Variants in RANBP2 observed in about 807,000 individuals in gnomAD.
RANBP2 encodes E3 SUMO-protein ligase RanBP2.
In RANBP2, 57 loss-of-function variants were observed where a neutral mutation model predicts 303.6. That is an observed-to-expected ratio of 0.19 (90% CI 0.15 to 0.23). The LOEUF (loss-of-function observed/expected upper bound fraction) is 0.23, where lower values mean the gene tolerates loss of function less well. Ranked by LOEUF, RANBP2 falls within the 10% of genes least tolerant of loss-of-function variation. The pLI is 1.00. For synonymous variants in RANBP2, 1,167 were observed against 1,301.5 expected (o/e 0.90, Z 2.23); for missense variants, 3,138 against 3,780.8 (o/e 0.83, Z 4.46).
the RANBP2 span, among the ~76,000 whole-genome samples, chr2:109,306,721 C>A: frequency 1.3e-5 from 2 of 152,234 alleles, no homozygotes; most frequent in Non-Finnish European, 2.9e-5. Flanking sequence ...ATGGCAGAAT[C>A]ACATTTCCTG....
At chr2:109,664,283 C>T in the RANBP2 span, among the ~76,000 whole-genome samples, 1 of 152,170 alleles carries the variant, frequency 6.6e-6, no homozygotes, top group East Asian at 1.9e-4. Context: ...CCAGAAATAA[C>T]CTTTATGAAT....
At chr2:109,509,466 C>T in the RANBP2 span, among the ~76,000 whole-genome samples, 1 of 152,102 alleles carries the variant, frequency 6.6e-6, no homozygotes, top group African/African-American at 2.4e-5. Context: ...TCGGCTTGCA[C>T]ACCGCCGTCT....
chr2:109,022,850 A>G, the RANBP2 span, among the ~76,000 whole-genome samples: 3 of 152,170 alleles, frequency 2.0e-5, no homozygotes, highest in Non-Finnish European at 4.4e-5. Context: ...CAGGAGTTTG[A>G]GACCAGCCTG....
the RANBP2 span, among the ~76,000 whole-genome samples, chr2:109,521,681 G>A: frequency 6.6e-6 from 1 of 152,168 alleles, no homozygotes; most frequent in Admixed American, 6.5e-5. Context: ...GAAATTGCTG[G>A]CTGGACGTGT....
chr2:109,166,532 C>T, the RANBP2 span, among the ~76,000 whole-genome samples: 1 of 151,780 alleles, frequency 6.6e-6, no homozygotes, highest in Non-Finnish European at 1.5e-5. Context: ...ACAGCTCTCT[C>T]TGCTCAATGT....
At chr2:108,899,315 G>T in the RANBP2 span, among the ~76,000 whole-genome samples, 1 of 152,220 alleles carries the variant, frequency 6.6e-6, no homozygotes, top group Admixed American at 6.5e-5. Context: ...TTGCATACCA[G>T]GTTGCAGTGA....
the RANBP2 span, among the ~76,000 whole-genome samples, chr2:109,635,952 G>A: frequency 0.17 from 25,125 of 152,168 alleles, 2,337 homozygotes; most frequent in African/African-American, 0.25. Context: ...CCAATGTGAC[G>A]GTGTTAGGAG....
At chr2:109,660,594 TC>T in the RANBP2 span, among the ~76,000 whole-genome samples, 1 of 152,190 alleles carries the variant, frequency 6.6e-6, no homozygotes, top group African/African-American at 2.4e-5. Flanking sequence ...CATCAAGTAG[TC>T]CCCATGCCAG....
the RANBP2 span, among the ~76,000 whole-genome samples, chr2:109,579,877 T>C: frequency 6.6e-6 from 1 of 151,752 alleles, no homozygotes; most frequent in South Asian, 2.1e-4. Flanking sequence ...TCCCAGCACT[T>C]TGGGAAGCTA....
chr2:108,790,734 G>C (rs904166802), downstream of RANBP2, among the ~76,000 whole-genome samples: 1 of 152,114 alleles, frequency 6.6e-6, no homozygotes, highest in Non-Finnish European at 1.5e-5. Context: ...ATAAAATAAT[G>C]TAAAATATCT....
chr2:109,355,060 C>G, the RANBP2 span, among the ~76,000 whole-genome samples: 2 of 152,206 alleles, frequency 1.3e-5, no homozygotes, highest in Non-Finnish European at 2.9e-5. Context: ...TAGGACCACC[C>G]TGAGACCACC....
At chr2:109,269,453 T>A in the RANBP2 span, among the ~76,000 whole-genome samples, 4 of 152,236 alleles carry the variant, frequency 2.6e-5, no homozygotes, top group Admixed American at 2.6e-4. Context: ...CAGCCCCCCT[T>A]TCTTCTGACT....
intron 1 of RANBP2, among the ~76,000 whole-genome samples, chr2:108,721,883 A>C (rs1349654356): frequency 6.6e-6 from 1 of 151,974 alleles, no homozygotes; most frequent in Non-Finnish European, 1.5e-5. Flanking sequence ...CTGAGACTAC[A>C]GGCATGTGCC....
At chr2:108,955,959 G>A in the RANBP2 span, among the ~76,000 whole-genome samples, 1 of 152,138 alleles carries the variant, frequency 6.6e-6, no homozygotes, top group African/African-American at 2.4e-5. Context: ...AACCCAGGAG[G>A]TGGAGCTTGC....
chr2:108,804,743 C>A, the RANBP2 span: 1 of 561,634 alleles, frequency 1.8e-6, no homozygotes, highest in South Asian at 6.7e-5. Context: ...AAATTACTTG[C>A]CACACTAGTC....
chr2:109,491,670 G>T, the RANBP2 span, among the ~76,000 whole-genome samples: 12 of 152,142 alleles, frequency 7.9e-5, no homozygotes, highest in African/African-American at 2.9e-4. Flanking sequence ...TCCTAAAAGG[G>T]CTCTCAGGTA....
the RANBP2 span, among the ~76,000 whole-genome samples, chr2:109,192,279 A>T: frequency 4.6e-5 from 7 of 152,180 alleles, no homozygotes; most frequent in Non-Finnish European, 8.8e-5. Context: ...ATGTTTGGAG[A>T]AATCGTGGCT....
chr2:109,500,284 C>T, the RANBP2 span, among the ~76,000 whole-genome samples: 3 of 152,112 alleles, frequency 2.0e-5, no homozygotes, highest in African/African-American at 7.2e-5. Flanking sequence ...GGAGTGTGGT[C>T]GAGGAGAGAA....
At chr2:109,218,189 C>G in the RANBP2 span, among the ~76,000 whole-genome samples, 7 of 151,968 alleles carry the variant, frequency 4.6e-5, no homozygotes, top group East Asian at 1.4e-3. Context: ...TCACCAGTTT[C>G]TGAGGCACGT....
Sources: gnomAD v4.1 joint callset for allele counts (sites outside exome capture counted in the v4.1 genomes callset) on GRCh38, gnomAD v4.1.1 for gene constraint, MANE v1.5 for transcripts, NCBI Gene and HGNC (gene_info 2026-07-23, HGNC 2026-07-21) for gene names.